The following DPP10 variants were observed in gnomAD, a reference collection of about 807,000 sequenced individuals.
DPP10 encodes inactive dipeptidyl peptidase 10.
DPP10 carries 33 observed loss-of-function variants against 120.9 expected under a neutral mutation model. The observed-to-expected ratio is 0.27, with a 90% CI of 0.21 to 0.37. The LOEUF (loss-of-function observed/expected upper bound fraction) is 0.37, where lower values mean the gene tolerates loss of function less well. DPP10 is among the 10% of genes least tolerant of loss of function. DPP10 has a pLI of 1.00. For missense variants in DPP10, 816 were observed against 942.8 expected (o/e 0.87, Z 1.76); for synonymous variants, 337 against 326.1 (o/e 1.03, Z -0.36).
intron 1 of DPP10, among the ~76,000 whole-genome samples, chr2:114,733,023 T>C (rs1677066146): frequency 6.6e-6 from 1 of 152,108 alleles, no homozygotes; most frequent in African/African-American, 2.4e-5. Flanking sequence ...ATAAGCTGAA[T>C]TAGGGAGCTG....
intron 16 of DPP10, among the ~76,000 whole-genome samples, 188 bp from the exon 17 acceptor site, chr2:115,782,164 A>G (rs1364149257): frequency 1.3e-5 from 2 of 152,008 alleles, no homozygotes; most frequent in African/African-American, 2.4e-5. Context: ...TTTCCTTCTC[A>G]TATATTCTTA....
At chr2:115,176,956 A>T (rs138705209) in intron 1 of DPP10, among the ~76,000 whole-genome samples, 39 of 152,340 alleles carry the variant, frequency 2.6e-4, no homozygotes, top group Middle Eastern at 6.8e-3. Context: ...TCAATTGAAA[A>T]TGGAGTTTAC....
intron 1 of DPP10, among the ~76,000 whole-genome samples, chr2:115,256,551 T>G (rs953968542): frequency 3.3e-5 from 5 of 152,242 alleles, no homozygotes; most frequent in Non-Finnish European, 5.9e-5. Flanking sequence ...TCTGATACTC[T>G]GGGCCTGGCC....
intron 5 of DPP10, among the ~76,000 whole-genome samples, chr2:115,571,909 G>A (rs1402615127): frequency 6.6e-6 from 1 of 151,744 alleles, no homozygotes; most frequent in Non-Finnish European, 1.5e-5. Flanking sequence ...GGAATATAAA[G>A]CAAACCATTT....
chr2:115,231,690 C>G (rs929802352), intron 1 of DPP10, among the ~76,000 whole-genome samples: 1 of 152,170 alleles, frequency 6.6e-6, no homozygotes, highest in African/African-American at 2.4e-5. Flanking sequence ...CTGTTTGTAA[C>G]AAGCGTTAGC....
At chr2:114,741,361 A>T (rs1678045486) in intron 1 of DPP10, among the ~76,000 whole-genome samples, 1 of 152,184 alleles carries the variant, frequency 6.6e-6, no homozygotes, top group African/African-American at 2.4e-5. Context: ...TAAGAGAGCC[A>T]CATAAGAGGA....
At chr2:114,728,357 C>T (rs1427856074) in intron 1 of DPP10, among the ~76,000 whole-genome samples, 2 of 152,164 alleles carry the variant, frequency 1.3e-5, no homozygotes, top group Non-Finnish European at 2.9e-5. Flanking sequence ...TGGAGTTAAA[C>T]CCTAATCTGG....
chr2:114,601,544 T>TTCC (rs1355032340), intron 1 of DPP10, among the ~76,000 whole-genome samples: 1 of 151,924 alleles, frequency 6.6e-6, no homozygotes, highest in Non-Finnish European at 1.5e-5. Context: ...CACTCTGGGA[T>TTCC]TCCATTTCAA....
At chr2:114,689,148 A>G (rs1337971782) in intron 1 of DPP10, among the ~76,000 whole-genome samples, 1 of 151,768 alleles carries the variant, frequency 6.6e-6, no homozygotes, top group Non-Finnish European at 1.5e-5. Context: ...AACATGTGCC[A>G]TGGTGTCTTG....
chr2:115,366,548 T>C (rs2106376671), intron 3 of DPP10, among the ~76,000 whole-genome samples: 1 of 152,266 alleles, frequency 6.6e-6, no homozygotes, highest in East Asian at 1.9e-4. Flanking sequence ...TATCTAGTCT[T>C]CCAAAAGTAG....
At chr2:115,736,549 A>T (rs181270574) in intron 8 of DPP10, among the ~76,000 whole-genome samples, 5 of 152,186 alleles carry the variant, frequency 3.3e-5, no homozygotes, top group Non-Finnish European at 7.3e-5. Flanking sequence ...GAACAGATCC[A>T]TTGGCAGCAA....
intron 10 of DPP10, chr2:115,749,869 T>G (rs140821069): frequency 2.0e-4 from 77 of 394,862 alleles, no homozygotes; most frequent in Middle Eastern, 1.3e-3. Context: ...CAGGTGATGC[T>G]GGGGCCTCCA....
chr2:115,817,268 A>T (rs1410113948), intron 21 of DPP10, among the ~76,000 whole-genome samples: 1 of 152,070 alleles, frequency 6.6e-6, no homozygotes, highest in African/African-American at 2.4e-5. Flanking sequence ...AAATAAAAAG[A>T]TGAAAGGAAA....
chr2:114,648,692 A>C (rs1177392872), intron 1 of DPP10, among the ~76,000 whole-genome samples: 1 of 152,222 alleles, frequency 6.6e-6, no homozygotes, highest in African/African-American at 2.4e-5. Flanking sequence ...TTGCATGATC[A>C]ATAGGTAGGT....
rs2073774669 is a variant in DPP10 at position 115,458,640 on chromosome 2, A to G, written c.272-40870A>G. Among the ~76,000 whole-genome samples, 3 of 152,136 alleles carry G rather than the reference A, an allele frequency of 2.0e-5. 1 individual carries two copies. In the South Asian group the frequency reaches 6.2e-4, roughly 31 times the overall value. On this transcript the variant is annotated intron_variant, in intron 3 of 25. Coordinates refer to ENST00000410059, the MANE Select transcript of DPP10 (RefSeq NM_020868.6). ...CAATTTTATGAGTTTGTGGATATAT[A>G]TACACACACACATATATACGTATTG... is the stretch of plus-strand genomic sequence containing the variant.
chr2:114,861,721 CA>C (rs1453675658), intron 1 of DPP10, among the ~76,000 whole-genome samples: 1 of 152,094 alleles, frequency 6.6e-6, no homozygotes, highest in Non-Finnish European at 1.5e-5. Flanking sequence ...TATAGGTTTG[CA>C]AGTATGATAT....
chr2:115,109,386 A>G (rs776137263), intron 1 of DPP10, among the ~76,000 whole-genome samples: 1 of 152,038 alleles, frequency 6.6e-6, no homozygotes, highest in Non-Finnish European at 1.5e-5. Context: ...AATACAAAAA[A>G]TTAGCTGGGC....
intron 21 of DPP10, among the ~76,000 whole-genome samples, chr2:115,829,994 T>C (rs1253096269): frequency 6.6e-6 from 1 of 152,074 alleles, no homozygotes; most frequent in Non-Finnish European, 1.5e-5. Context: ...TTTTAAGAAT[T>C]ATGTGTAAGT....
At chr2:114,965,624 T>G (rs920969390) in intron 1 of DPP10, among the ~76,000 whole-genome samples, 1 of 151,866 alleles carries the variant, frequency 6.6e-6, no homozygotes, top group Non-Finnish European at 1.5e-5. Context: ...AGGGAGTAAG[T>G]ATGGACAGAG....
Sources: gnomAD v4.1 joint callset for allele counts (sites outside exome capture counted in the v4.1 genomes callset) on GRCh38, gnomAD v4.1.1 for gene constraint, MANE v1.5 for transcripts, NCBI Gene and HGNC (gene_info 2026-07-23, HGNC 2026-07-21) for gene names.